The following RELN variants were observed in gnomAD, a reference collection of about 807,000 sequenced individuals.
RELN encodes reelin.
In RELN, 108 loss-of-function variants were observed where a neutral mutation model predicts 427.6. That is an observed-to-expected ratio of 0.25 (90% CI 0.22 to 0.30). The LOEUF (loss-of-function observed/expected upper bound fraction) is 0.30. Among genes scored for constraint, RELN ranks in the 10% least tolerant of loss-of-function variants. The probability of loss-of-function intolerance (pLI) is 1.00; values close to 1 mark genes in which losing one functional copy is unlikely to be tolerated. For synonymous variants in RELN, 1,524 were observed against 1,513.4 expected, an observed-to-expected ratio of 1.01 and a Z score of -0.16; for missense variants, 3,715 against 4,302.8, an observed-to-expected ratio of 0.86 and a Z score of 3.82.
chr7:103,667,324 T>C (rs1415157729), intron 11 of RELN, among the ~76,000 whole-genome samples: 1 of 152,216 alleles, frequency 6.6e-6, no homozygotes, highest in African/African-American at 2.4e-5. Flanking sequence ...ATCTTTCAAA[T>C]CAGCAAGCTT....
chr7:103,958,970 T>G (rs1796492937), intron 1 of RELN, among the ~76,000 whole-genome samples: 1 of 152,176 alleles, frequency 6.6e-6, no homozygotes, highest in Admixed American at 6.6e-5. Context: ...TTTTCCTTTG[T>G]TTTTTGAGAC....
intron 6 of RELN, among the ~76,000 whole-genome samples, chr7:103,742,922 A>T (rs13311185): frequency 0.22 from 32,790 of 151,416 alleles, 4,689 homozygotes; most frequent in African/African-American, 0.41. Context: ...TGCCACAAAG[A>T]TACTCCTCGA....
chr7:103,807,798 T>C (rs997514198), intron 3 of RELN, among the ~76,000 whole-genome samples: 6 of 152,166 alleles, frequency 3.9e-5, no homozygotes, highest in Admixed American at 3.3e-4. Flanking sequence ...GATTTCATTC[T>C]TTTTTATGGC....
At chr7:103,884,800 T>C (rs1339702238) in intron 2 of RELN, among the ~76,000 whole-genome samples, 2 of 152,158 alleles carry the variant, frequency 1.3e-5, no homozygotes, top group African/African-American at 4.8e-5. Flanking sequence ...CTGGAGAGGA[T>C]GTGGAGGAAT....
At chr7:103,755,109 T>C (rs769503472) in intron 4 of RELN, among the ~76,000 whole-genome samples, 6 of 151,980 alleles carry the variant, frequency 3.9e-5, no homozygotes, top group Non-Finnish European at 8.8e-5. Context: ...TGAGATCTTA[T>C]ATGGAGATGA....
intron 1 of RELN, among the ~76,000 whole-genome samples, chr7:103,952,820 T>C (rs1796359949): frequency 6.6e-6 from 1 of 152,192 alleles, no homozygotes; most frequent in East Asian, 1.9e-4. Flanking sequence ...ACAATACATC[T>C]CTCAAAACAC....
chr7:103,883,566 A>G (rs186421075), intron 2 of RELN, among the ~76,000 whole-genome samples: 2 of 152,250 alleles, frequency 1.3e-5, no homozygotes, highest in Non-Finnish European at 2.9e-5. Context: ...CCTTAAGCTG[A>G]TAAGTAACTT....
intron 1 of RELN, among the ~76,000 whole-genome samples, chr7:103,987,875 A>G (rs764239972): frequency 1.3e-5 from 2 of 152,248 alleles, no homozygotes; most frequent in Non-Finnish European, 2.9e-5. Context: ...TGCCACAAGG[A>G]AGTTGTAAAA....
chr7:103,681,981 T>C (rs1043266037), intron 11 of RELN, 135 bp downstream of exon 11: 5 of 877,626 alleles, frequency 5.7e-6, no homozygotes, highest in Admixed American at 5.3e-5. Context: ...TGCACCCCTT[T>C]TGGCTTGTCT....
chr7:103,506,648 A>ATAACTAATGGGCAAAATAAC (rs1367251657), intron 51 of RELN, among the ~76,000 whole-genome samples: 2 of 112,696 alleles, frequency 1.8e-5, no homozygotes, highest in Non-Finnish European at 3.3e-5. Flanking sequence ...GATAAACTGC[A>ATAACTAATGGGCAAAATAAC]TAACTAATGG....
intron 24 of RELN, among the ~76,000 whole-genome samples, chr7:103,601,783 C>T (rs894662742): frequency 2.0e-5 from 3 of 152,152 alleles, no homozygotes; most frequent in African/African-American, 7.2e-5. Context: ...TTACCCCTCT[C>T]GCATCCCTAA....
At chr7:103,748,139 GTTT>G (rs11307252) in intron 6 of RELN, among the ~76,000 whole-genome samples, 1 of 135,134 alleles carries the variant, frequency 7.4e-6, no homozygotes, top group African/African-American at 2.8e-5. Context: ...ACTTAGAAAG[GTTT>G]TTTTTTTTTT....
At chr7:103,815,120 C>T (rs262370) in intron 3 of RELN, among the ~76,000 whole-genome samples, 77,516 of 151,942 alleles carry the variant, frequency 0.51, 20,059 homozygotes, top group Admixed American at 0.6. Context: ...AAAATATTTG[C>T]TCATGAAAGT....
At chr7:103,583,854 C>T (rs1408744535) in intron 28 of RELN, among the ~76,000 whole-genome samples, 10 of 152,190 alleles carry the variant, frequency 6.6e-5, no homozygotes, top group Non-Finnish European at 1.5e-4. Flanking sequence ...CCACTACCCA[C>T]ACAAACTCTG....
chr7:103,770,820 T>G (rs1174798101), intron 4 of RELN, among the ~76,000 whole-genome samples: 2 of 151,982 alleles, frequency 1.3e-5, no homozygotes, highest in Admixed American at 1.3e-4. Flanking sequence ...CTCCAAAGAT[T>G]GAGCATGAAG....
intron 47 of RELN, 104 bp downstream of exon 47, chr7:103,523,287 C>G: frequency 7.6e-7 from 1 of 1,310,892 alleles, no homozygotes; most frequent in Non-Finnish European, 1.1e-6. Context: ...AAATGTATAA[C>G]TTAAGGAAGC....
intron 1 of RELN, among the ~76,000 whole-genome samples, chr7:103,951,960 A>G (rs1796341424): frequency 6.6e-6 from 1 of 152,252 alleles, no homozygotes; most frequent in Non-Finnish European, 1.5e-5. Flanking sequence ...GGTGTGAGCC[A>G]CTGTGCCCGG....
At chr7:103,638,259 A>G (rs1832625304) in intron 17 of RELN, among the ~76,000 whole-genome samples, 1 of 152,084 alleles carries the variant, frequency 6.6e-6, no homozygotes, top group Admixed American at 6.6e-5. Flanking sequence ...CCCCACTGTT[A>G]AGCTACATGG....
chr7:103,972,015 G>T (rs1171910377), intron 1 of RELN, among the ~76,000 whole-genome samples: 2 of 152,304 alleles, frequency 1.3e-5, no homozygotes, highest in African/African-American at 4.8e-5. Flanking sequence ...GGAGGTTGCA[G>T]TGAGCCAAGA....
Sources: allele counts gnomAD v4.1 joint callset (sites outside exome capture counted in the v4.1 genomes callset), GRCh38; gene constraint gnomAD v4.1.1; transcripts MANE v1.5; gene names NCBI Gene and HGNC (gene_info 2026-07-23, HGNC 2026-07-21).